The following IL31RA variants were observed in gnomAD, a reference collection of about 807,000 sequenced individuals.
IL31RA encodes the protein interleukin-31 receptor subunit alpha.
In IL31RA, 66 loss-of-function variants were observed where a neutral mutation model predicts 83.7. The ratio of observed to expected loss-of-function variants is 0.79; its 90% CI spans 0.65 to 0.97. IL31RA has a LOEUF of 0.97. Ranked by LOEUF, IL31RA falls within the 50% of genes least tolerant of loss-of-function variation. The pLI is 0.00. For missense variants in IL31RA, 798 were observed against 919.4 expected (o/e 0.87, Z 1.71); for synonymous variants, 325 against 329.0 (o/e 0.99, Z 0.13).
intron 11 of IL31RA, among the ~76,000 whole-genome samples, chr5:55,909,896 GT>G (rs1749392086): frequency 6.6e-6 from 1 of 152,138 alleles, no homozygotes; most frequent in Admixed American, 6.5e-5. Flanking sequence ...TAGAGATGGA[GT>G]TTCTCCATGT....
intron 14 of IL31RA, among the ~76,000 whole-genome samples, chr5:55,915,679 T>C (rs1749744840): frequency 6.6e-6 from 1 of 152,216 alleles, no homozygotes; most frequent in African/African-American, 2.4e-5. Context: ...ATAATGGGCT[T>C]TCTTTCTGTT....
chr5:55,912,497 A>T (rs902948793), intron 12 of IL31RA, among the ~76,000 whole-genome samples: 7 of 152,166 alleles, frequency 4.6e-5, no homozygotes, highest in African/African-American at 1.7e-4. Flanking sequence ...TTCCTTGGAC[A>T]CCTTAGCTAA....
At chr5:55,905,555 G>A (rs1749097728) in intron 8 of IL31RA, among the ~76,000 whole-genome samples, 1 of 152,116 alleles carries the variant, frequency 6.6e-6, no homozygotes. Flanking sequence ...TTTATGTATT[G>A]ATCCATACTA....
chr5:55,854,861 A>G (rs1299490657), intron 1 of IL31RA, among the ~76,000 whole-genome samples: 1 of 152,146 alleles, frequency 6.6e-6, no homozygotes. Flanking sequence ...ATCTAAGGAG[A>G]TAGTATACAT....
intron 1 of IL31RA, among the ~76,000 whole-genome samples, chr5:55,858,486 A>G (rs1745483792): frequency 6.6e-6 from 1 of 152,194 alleles, no homozygotes; most frequent in African/African-American, 2.4e-5. Context: ...CAAAATGGCT[A>G]TCTTTATTAT....
chr5:55,871,394 G>A (rs1019954290), intron 3 of IL31RA, among the ~76,000 whole-genome samples: 3 of 152,126 alleles, frequency 2.0e-5, no homozygotes, highest in Non-Finnish European at 2.9e-5. Flanking sequence ...CTTGCAAGGT[G>A]GGCCTTCTTT....
chr5:55,872,213 G>C (rs1210952341), intron 3 of IL31RA, 57 bp from the exon 4 acceptor site: 1 of 1,262,336 alleles, frequency 7.9e-7, no homozygotes, highest in African/African-American at 1.5e-5. Flanking sequence ...CATTAAATAT[G>C]GTTATGTTTC....
chr5:55,889,451 C>T (rs1443586037), intron 5 of IL31RA, among the ~76,000 whole-genome samples: 1 of 152,158 alleles, frequency 6.6e-6, no homozygotes, highest in Non-Finnish European at 1.5e-5. Flanking sequence ...ACGAAAAAGC[C>T]GAGGAGTGAA....
chr5:55,906,430 C>T (rs1274932705), intron 9 of IL31RA, 142 bp downstream of exon 9: 13 of 832,724 alleles, frequency 1.6e-5, no homozygotes, highest in Middle Eastern at 3.3e-4. Context: ...AATGAAGTGA[C>T]ACGCTTCTTG....
rs1746587330 is a variant in IL31RA at position 55,872,516 on chromosome 5, G to A, written c.454+65G>A. 4.3e-6 allele frequency: 5 copies of A among 1,164,528 alleles called. No homozygotes were observed. The East Asian group carries it at 1.2e-4, about 27-fold the overall frequency. The allele number at this position is 1,164,528 out of a possible 1,614,324, so 72.1% of individuals were successfully genotyped here. ...TGTTTACCTCCTTCTCTGTTCAAGA[G>A]GTATCTGTGGACTCAAAAGTAGGCT... On this transcript the variant is annotated intron_variant, in intron 4 of 14. Coordinates refer to ENST00000652347, the MANE Select transcript of IL31RA (RefSeq NM_139017.7).
Position 55,905,610 on chromosome 5 carries a change from A to G in IL31RA, c.1070-496A>G, listed in dbSNP as rs566240405. On this transcript the variant is annotated intron_variant, in intron 8 of 14. Transcript: ENST00000652347. ...TCTTTATCTTTCTGGTAGAAATGCA[A>G]TATTTGCTGCCTTGAGGATAGGAAT... Among the ~76,000 whole-genome samples, 7 of 152,328 alleles carry G rather than the reference A, an allele frequency of 4.6e-5. No individual in the cohort carries two copies. In the South Asian group the frequency reaches 1.0e-3, roughly 23 times the overall value.
intron 2 of IL31RA, among the ~76,000 whole-genome samples, chr5:55,865,162 G>A (rs1448671988): frequency 6.6e-6 from 1 of 152,226 alleles, no homozygotes; most frequent in Admixed American, 6.5e-5. Flanking sequence ...TGTTAATGGT[G>A]TAGCTTTCAA....
intron 4 of IL31RA, among the ~76,000 whole-genome samples, chr5:55,873,668 T>C (rs1746671143): frequency 6.6e-6 from 1 of 152,118 alleles, no homozygotes; most frequent in Non-Finnish European, 1.5e-5. Context: ...TATTGAACAT[T>C]TTTCATGTGT....
chr5:55,922,345 C>A lies in IL31RA; in HGVS notation c.*5225C>A. On this transcript the variant is annotated 3_prime_UTR_variant, in exon 15 of 15. Transcript: ENST00000652347. The stretch of plus-strand genomic sequence containing the variant: ...CAAAACCTGCTGTCAGCAATGCTCT[C>A]GTGGCTGTTCAAGGGAAGTGAGATA... The A allele has an allele frequency of 6.7e-7, 1 of 1,488,452 alleles. No homozygotes were observed. The highest frequency in any genetic ancestry group is 9.2e-7 in the Non-Finnish European group (1 of 1,090,076). 92.2% of individuals were successfully genotyped at this position (1,488,452 alleles called of 1,614,324 possible). A position where few individuals can be genotyped will look rare whatever the true frequency, so the allele number is the denominator to read the frequency against.
At chr5:55,847,713 A>G (rs1009669879), upstream of IL31RA, among the ~76,000 whole-genome samples, 1 of 152,214 alleles carries the variant, frequency 6.6e-6, no homozygotes, top group African/African-American at 2.4e-5. Flanking sequence ...GTACATTACT[A>G]TTAGCCAAAC....
intron 6 of IL31RA, among the ~76,000 whole-genome samples, chr5:55,892,422 A>T (rs1748061340): frequency 6.6e-6 from 1 of 152,150 alleles, no homozygotes; most frequent in South Asian, 2.1e-4. Context: ...TCCACACAAT[A>T]ATGATTTATT....
intron 6 of IL31RA, among the ~76,000 whole-genome samples, chr5:55,894,708 A>G (rs779992930): frequency 4.6e-5 from 7 of 152,004 alleles, no homozygotes; most frequent in Non-Finnish European, 7.4e-5. Context: ...GAGTTCAGTT[A>G]TTTTACTTTT....
At chr5:55,886,878 A>G (rs910737549) in intron 5 of IL31RA, among the ~76,000 whole-genome samples, 9 of 152,138 alleles carry the variant, frequency 5.9e-5, no homozygotes, top group African/African-American at 1.9e-4. Context: ...CAGGCCTGAC[A>G]TATTTCCTTC....
At chr5:55,886,991 G>T (rs888190867) in intron 5 of IL31RA, among the ~76,000 whole-genome samples, 5 of 152,284 alleles carry the variant, frequency 3.3e-5, no homozygotes, top group African/African-American at 9.6e-5. Context: ...TTCTTCAAAT[G>T]CAGGGACCTT....
Sources: gnomAD v4.1 joint callset for allele counts (sites outside exome capture counted in the v4.1 genomes callset) on GRCh38, gnomAD v4.1.1 for gene constraint, MANE v1.5 for transcripts, NCBI Gene and HGNC (gene_info 2026-07-23, HGNC 2026-07-21) for gene names.